The following ENTPD3 variants were observed in gnomAD, a reference collection of about 807,000 sequenced individuals.
ENTPD3 encodes the protein CD39 antigen-like 3.
In ENTPD3, 60 loss-of-function variants were observed where a neutral mutation model predicts 51.2. The observed-to-expected ratio is 1.17, with a 90% CI of 0.95 to 1.45. ENTPD3 has a LOEUF of 1.45. Ranked by LOEUF, ENTPD3 falls within the 40% of genes most tolerant of loss-of-function variation. The pLI, the probability that ENTPD3 is intolerant of heterozygous loss-of-function variation, is 0.00. For synonymous variants in ENTPD3, 221 were observed against 238.4 expected (o/e 0.93, Z 0.67); for missense variants, 593 against 641.1 (o/e 0.93, Z 0.81).
intron 4 of ENTPD3, among the ~76,000 whole-genome samples, chr3:40,403,851 G>T (rs1228980189): frequency 6.6e-6 from 1 of 151,922 alleles, no homozygotes; most frequent in Non-Finnish European, 1.5e-5. Flanking sequence ...GTCTCACTAT[G>T]TTGCCCAGGC....
Position 40,416,092 on chromosome 3 carries a change from G to C in ENTPD3, c.831+19G>C. 6.3e-7 allele frequency: 1 copy of C among 1,589,686 alleles called. No individual in the cohort carries two copies. Among genetic ancestry groups the C allele is most frequent in the Non-Finnish European group, 8.6e-7 (1 of 1,160,002 alleles). On this transcript the variant is annotated intron_variant, in intron 7 of 10. Transcript: ENST00000301825. ...CCTGCAGGTACTTGAGTCGGGGGTA[G>C]GGGGTGGCAGGTGTTCTCTTGAGGG...
At chr3:40,422,768 T>C (rs1955904699) in intron 7 of ENTPD3, 82 bp from the exon 8 acceptor site, 12 of 1,240,832 alleles carry the variant, frequency 9.7e-6, no homozygotes, top group Non-Finnish European at 1.1e-5. Flanking sequence ...TATTGGACAT[T>C]TGGGTTGATT....
Position 40,411,848 on chromosome 3 carries a change from A to T in ENTPD3, c.323A>T (p.Asp108Val). Residue 108 changes from aspartate (D) to valine (V), a missense_variant, in exon 5 of 11, where the codon GAT (aspartate) becomes GTT (valine). By Grantham distance (152) the Asp-to-Val change is radical. Transcript: ENST00000301825. ...GISSYGNNPQDVPRAFEECMQ... is the reference protein window; with the variant it reads ...GISSYGNNPQVVPRAFEECMQ... ...TCCAGCTATGGAAATAACCCCCAAGATGTCCCCAGAGCCTTTGAGGAGTGT... is the reference window on the plus strand; with the variant it reads ...TCCAGCTATGGAAATAACCCCCAAGTTGTCCCCAGAGCCTTTGAGGAGTGT... 6.2e-7 allele frequency: 1 copy of T among 1,600,220 alleles called. No individual in the cohort carries two copies. Among genetic ancestry groups the T allele is most frequent in the Non-Finnish European group, 8.5e-7 (1 of 1,173,434 alleles).
chr3:40,396,174 CT>C (rs1276997435), intron 3 of ENTPD3, among the ~76,000 whole-genome samples: 5 of 152,150 alleles, frequency 3.3e-5, no homozygotes, highest in African/African-American at 1.2e-4. Flanking sequence ...GTCCATTCTG[CT>C]TAATTGGGTG....
At chr3:40,422,596 G>A (rs1195649462) in intron 7 of ENTPD3, among the ~76,000 whole-genome samples, 1 of 145,638 alleles carries the variant, frequency 6.9e-6, no homozygotes, top group Non-Finnish European at 1.5e-5. Context: ...CTATGAGTGA[G>A]AACATGTGGT....
intron 3 of ENTPD3, chr3:40,399,725 A>G (rs1418223705): frequency 6.6e-6 from 1 of 152,118 alleles, no homozygotes; most frequent in Non-Finnish European, 1.5e-5. Flanking sequence ...TTTGGTCCAG[A>G]GCCTGGGCTG....
At chr3:40,424,565 G>T (rs1955948662) in intron 10 of ENTPD3, among the ~76,000 whole-genome samples, 1 of 151,972 alleles carries the variant, frequency 6.6e-6, no homozygotes, top group Non-Finnish European at 1.5e-5. Flanking sequence ...TTAAAAATAT[G>T]TATATTTATA....
At chr3:40,412,487 T>C (rs998918107) in intron 5 of ENTPD3, among the ~76,000 whole-genome samples, 12 of 152,252 alleles carry the variant, frequency 7.9e-5, no homozygotes, top group African/African-American at 2.7e-4. Context: ...TTTGTAGTCA[T>C]GGCTTTTAGC....
At chr3:40,405,968 G>C (rs1202015382) in intron 4 of ENTPD3, among the ~76,000 whole-genome samples, 1 of 152,128 alleles carries the variant, frequency 6.6e-6, no homozygotes, top group Non-Finnish European at 1.5e-5. Context: ...TTGGCACCAG[G>C]AATTCAGAAA....
chr3:40,402,127 T>C (rs1157019882), intron 4 of ENTPD3, among the ~76,000 whole-genome samples: 1 of 127,828 alleles, frequency 7.8e-6, no homozygotes, highest in Non-Finnish European at 1.7e-5. Flanking sequence ...TTTTTTCTTT[T>C]TTTTTTTTTG....
intron 7 of ENTPD3, among the ~76,000 whole-genome samples, chr3:40,420,167 TACA>T (rs1429142389): frequency 2.4e-4 from 36 of 152,160 alleles, no homozygotes; most frequent in Admixed American, 1.3e-4. Flanking sequence ...AGAAAAAAAG[TACA>T]AATCAGATTT....
intron 4 of ENTPD3, among the ~76,000 whole-genome samples, chr3:40,401,881 C>T (rs973841172): frequency 1.3e-5 from 2 of 152,168 alleles, no homozygotes; most frequent in Admixed American, 1.3e-4. Context: ...CGCCATGCAG[C>T]TCCCTGTCTT....
chr3:40,411,582 A>AT (rs1955631955), intron 4 of ENTPD3, among the ~76,000 whole-genome samples: 2 of 152,162 alleles, frequency 1.3e-5, no homozygotes, highest in Admixed American at 6.5e-5. Flanking sequence ...TAATGAAAAC[A>AT]TTTTTTTAAA....
At chr3:40,424,491 A>G (rs1955946226) in intron 10 of ENTPD3, among the ~76,000 whole-genome samples, 1 of 152,206 alleles carries the variant, frequency 6.6e-6, no homozygotes, top group Non-Finnish European at 1.5e-5. Context: ...ACCTGAAGTC[A>G]TTATATTTAC....
intron 4 of ENTPD3, among the ~76,000 whole-genome samples, chr3:40,404,552 C>T (rs1024511309): frequency 6.6e-6 from 1 of 151,954 alleles, no homozygotes; most frequent in Non-Finnish European, 1.5e-5. Context: ...CCTTGGCCCA[C>T]CCTGGATGGC....
intron 7 of ENTPD3, among the ~76,000 whole-genome samples, chr3:40,418,875 A>C (rs1955802059): frequency 6.6e-6 from 1 of 152,038 alleles, no homozygotes; most frequent in African/African-American, 2.4e-5. Context: ...TTTTTATGAG[A>C]GCATAATATT....
chr3:40,414,027 G>C (rs1431755063), intron 5 of ENTPD3, among the ~76,000 whole-genome samples: 1 of 152,164 alleles, frequency 6.6e-6, no homozygotes, highest in Non-Finnish European at 1.5e-5. Context: ...AATCTCCCAA[G>C]TGAGCTTTCT....
At position 40,411,992 on chromosome 3, in the gene ENTPD3, T is replaced by C. The variant is rs1002697361; in HGVS notation, c.437+30T>C. 5.0e-6 allele frequency: 8 copies of C among 1,594,050 alleles called. No individual in the cohort carries two copies. In the Admixed American group the frequency reaches 1.2e-4, roughly 24 times the overall value. ...AGGCTAAGTGGCACAAAGGAGCCCATTTGACCAAAATAACCAAGAATATGT... is the reference window on the plus strand; with the variant it reads ...AGGCTAAGTGGCACAAAGGAGCCCACTTGACCAAAATAACCAAGAATATGT... On this transcript the variant is annotated intron_variant, in intron 5 of 10. Transcript: ENST00000301825.
intron 3 of ENTPD3, among the ~76,000 whole-genome samples, chr3:40,395,113 G>T (rs1955165947): frequency 6.6e-6 from 1 of 152,200 alleles, no homozygotes; most frequent in African/African-American, 2.4e-5. Flanking sequence ...CCACACACAG[G>T]TGCATGGGCT....
Sources: allele counts gnomAD v4.1 joint callset (sites outside exome capture counted in the v4.1 genomes callset), GRCh38; gene constraint gnomAD v4.1.1; transcripts MANE v1.5; gene names NCBI Gene and HGNC (gene_info 2026-07-23, HGNC 2026-07-21).